The following SLC28A3 variants were observed in gnomAD, a reference collection of about 807,000 sequenced individuals.
The protein encoded by SLC28A3 is solute carrier family 28 member 3, also known as concentrative Na(+)-nucleoside cotransporter 3.
Under a neutral mutation model 84.2 loss-of-function variants are expected in SLC28A3, and 68 were observed. That is an observed-to-expected ratio of 0.81 (90% CI 0.66 to 0.99). SLC28A3 has a LOEUF of 0.99. SLC28A3 is among the 50% of genes least tolerant of loss of function. SLC28A3 has a pLI of 0.00. For missense variants in SLC28A3, 712 were observed against 841.5 expected (o/e 0.85, Z 1.90); for synonymous variants, 267 against 303.6 (o/e 0.88, Z 1.25).
intron 1 of SLC28A3, among the ~76,000 whole-genome samples, chr9:84,326,109 G>A (rs2118542669): frequency 6.6e-6 from 1 of 152,172 alleles, no homozygotes; most frequent in African/African-American, 2.4e-5. Flanking sequence ...AACTTCTGTG[G>A]AATAATACAG....
In SLC28A3 at chr9:84,278,318, A is replaced by T. The variant is rs780560969; in HGVS notation, c.1976T>A (p.Val659Asp). 6 of 1,614,146 alleles carry T rather than the reference A, an allele frequency of 3.7e-6. No homozygotes were observed. In the South Asian group the frequency reaches 6.6e-5, roughly 18 times the overall value. Residue 659 changes from valine to aspartate, a missense_variant, in exon 18 of 18, where the codon GTC (valine) becomes GAC (aspartate). Val to Asp is a radical substitution (Grantham distance 152). Coordinates refer to ENST00000376238, the MANE Select transcript of SLC28A3 (RefSeq NM_001199633.2). ...SSTVAKGPGE[V>D]IPGGNHSLYS... ...CAGACTGTGGTTTCCTCCTGGGATG[A>T]CTTCACCAGGACCCTTGGCAACAGT...
At chr9:84,354,380 A>G in the SLC28A3 span, among the ~76,000 whole-genome samples, 1 of 152,240 alleles carries the variant, frequency 6.6e-6, no homozygotes, top group Non-Finnish European at 1.5e-5. Flanking sequence ...CCCCCCTGAA[A>G]GGAACCCCAC....
Position 84,301,370 on chromosome 9 carries a change from AAAAAG to A in SLC28A3, c.524+825_524+829del, listed in dbSNP as rs1485101643. On this transcript the variant is annotated intron_variant, in intron 5 of 17. Coordinates refer to ENST00000376238, the MANE Select transcript of SLC28A3 (RefSeq NM_001199633.2). ...GTCTCAAAAAAAAAAAAAAAAAAAAAAAAAGAAAAGGCTGTAAACATTGGACTATT... is the reference window on the plus strand; with the variant it reads ...GTCTCAAAAAAAAAAAAAAAAAAAAAAAAAGGCTGTAAACATTGGACTATT... Among the ~76,000 whole-genome samples the A allele has an allele frequency of 1.2e-3, 131 of 111,540 alleles. 1 individual carries two copies. Among genetic ancestry groups the A allele is most frequent in the Non-Finnish European group, 1.7e-3 (97 of 58,490 alleles). The allele number at this position is 111,540 out of a possible 152,430, so 73.2% of individuals were successfully genotyped here.
At position 84,285,691 on chromosome 9, in the gene SLC28A3, G is replaced by C. The variant is rs932695033; in HGVS notation, c.1450-149C>G. Reference sequence around the variant, plus strand: ...GCCCATCTTTACCCATCAGGAATCAGGGCTAGAAATCGGTCATTTGAAGGA... The same window carrying C: ...GCCCATCTTTACCCATCAGGAATCACGGCTAGAAATCGGTCATTTGAAGGA... On this transcript the variant is annotated intron_variant, in intron 13 of 17. Transcript: ENST00000376238. The C allele has an allele frequency of 1.9e-5, 18 of 963,638 alleles. No homozygotes were observed. The East Asian group carries it at 3.4e-4, about 18-fold the overall frequency. The allele number at this position is 963,638 out of a possible 1,614,324, so 59.7% of individuals were successfully genotyped here.
intron 1 of SLC28A3, among the ~76,000 whole-genome samples, chr9:84,318,505 A>C (rs1408234360): frequency 3.9e-5 from 6 of 152,180 alleles, no homozygotes; most frequent in African/African-American, 1.4e-4. Flanking sequence ...GCTGTACCCG[A>C]AGGAGAAAAC....
chr9:84,290,056 T>C, intron 11 of SLC28A3, 98 bp downstream of exon 11: 1 of 1,511,090 alleles, frequency 6.6e-7, no homozygotes, highest in Non-Finnish European at 8.9e-7. Flanking sequence ...AAAGACACTC[T>C]CTTGGCCTCC....
At chr9:84,307,679 G>A (rs555275956) in intron 3 of SLC28A3, among the ~76,000 whole-genome samples, 53 of 152,252 alleles carry the variant, frequency 3.5e-4, no homozygotes, top group Non-Finnish European at 6.3e-4. Flanking sequence ...ATTATTCTCA[G>A]TTGAAGATAT....
At chr9:84,292,848 G>T in intron 9 of SLC28A3, 100 bp from the exon 10 acceptor site, 1 of 738,346 alleles carries the variant, frequency 1.4e-6, no homozygotes, top group Non-Finnish European at 2.1e-6. Context: ...AATATTGAGG[G>T]CTTCAACATT....
At chr9:84,344,517 C>T (rs1827219404), upstream of SLC28A3, among the ~76,000 whole-genome samples, 1 of 152,064 alleles carries the variant, frequency 6.6e-6, no homozygotes, top group Non-Finnish European at 1.5e-5. Flanking sequence ...CCCTATATAT[C>T]ATGACTTACT....
At chr9:84,368,721 C>T in the SLC28A3 span, among the ~76,000 whole-genome samples, 10 of 151,884 alleles carry the variant, frequency 6.6e-5, no homozygotes, top group Non-Finnish European at 1.5e-5. Context: ...GAAGGAGTGT[C>T]TTATGCAGCG....
intron 11 of SLC28A3, among the ~76,000 whole-genome samples, chr9:84,288,651 T>A (rs1048420134): frequency 8.5e-5 from 13 of 152,080 alleles, no homozygotes; most frequent in Non-Finnish European, 1.6e-4. Context: ...GTCAAGCGAT[T>A]CTCCTGCTTC....
chr9:84,285,901 G>A (rs1224749672), intron 13 of SLC28A3, 42 bp downstream of exon 13: 2 of 1,582,280 alleles, frequency 1.3e-6, no homozygotes, highest in South Asian at 1.2e-5. Flanking sequence ...AACAAAGATA[G>A]GCAGAAACAA....
At chr9:84,312,625 A>G (rs1295776962) in intron 2 of SLC28A3, among the ~76,000 whole-genome samples, 1 of 144,954 alleles carries the variant, frequency 6.9e-6, no homozygotes, top group Non-Finnish European at 1.5e-5. Context: ...TGCAACCTCT[A>G]CCTCCTGGGT....
At chr9:84,292,501 C>T (rs1588573369) in intron 10 of SLC28A3, 167 bp downstream of exon 10, 1 of 549,780 alleles carries the variant, frequency 1.8e-6, no homozygotes, top group Non-Finnish European at 3.2e-6. Context: ...CTCTCTGTCT[C>T]TCTCTCTTCT....
In SLC28A3 at chr9:84,277,982, C is replaced by A; in HGVS notation, c.*236G>T. The stretch of plus-strand genomic sequence containing the variant: ...CCCATTGAGACTGGAATCAACAACA[C>A]CTCACTTTGGGACATCATAGCAGTT... On this transcript the variant is annotated 3_prime_UTR_variant, in exon 18 of 18. Transcript: ENST00000376238. 2.0e-6 allele frequency: 1 copy of A among 492,002 alleles called. No homozygotes were observed. Among genetic ancestry groups the A allele is most frequent in the Admixed American group, 3.4e-5 (1 of 29,152 alleles). 30.5% of individuals were successfully genotyped at this position (492,002 alleles called of 1,614,324 possible).
intron 1 of SLC28A3, among the ~76,000 whole-genome samples, chr9:84,320,793 C>A (rs1298841876): frequency 5.1e-4 from 77 of 151,852 alleles, no homozygotes; most frequent in Non-Finnish European, 1.6e-4. Flanking sequence ...AGTCTGAGAC[C>A]AGCCTGGCCA....
At chr9:84,354,826 A>G in the SLC28A3 span, among the ~76,000 whole-genome samples, 1 of 152,058 alleles carries the variant, frequency 6.6e-6, no homozygotes, top group Non-Finnish European at 1.5e-5. Flanking sequence ...CAGCCTGGGC[A>G]ATAGAGTGAA....
At chr9:84,303,511 G>C (rs1051877426) in intron 4 of SLC28A3, among the ~76,000 whole-genome samples, 8 of 152,250 alleles carry the variant, frequency 5.3e-5, no homozygotes, top group South Asian at 4.2e-4. Flanking sequence ...GTAGAGACGG[G>C]GTTTCACCAT....
chr9:84,296,605 A>T (rs1825424131), intron 8 of SLC28A3, among the ~76,000 whole-genome samples: 1 of 152,218 alleles, frequency 6.6e-6, no homozygotes, highest in Non-Finnish European at 1.5e-5. Flanking sequence ...CTCAAGAAGG[A>T]ACTGACTGTG....
Sources: allele counts gnomAD v4.1 joint callset (sites outside exome capture counted in the v4.1 genomes callset), GRCh38; gene constraint gnomAD v4.1.1; transcripts MANE v1.5; gene names NCBI Gene and HGNC (gene_info 2026-07-23, HGNC 2026-07-21).